The following ZNF135 variants were observed in gnomAD, a reference collection of about 807,000 sequenced individuals.
The protein encoded by ZNF135 is zinc finger protein 135 (clone pHZ-17).
In ZNF135, 11 loss-of-function variants were observed where a neutral mutation model predicts 12.3. The observed-to-expected ratio is 0.89, with a 90% CI of 0.56 to 1.48. The LOEUF is 1.48. ZNF135 is among the 40% of genes most tolerant of loss of function. The pLI is 0.00. For missense variants in ZNF135, 722 were observed against 815.7 expected (o/e 0.89, Z 1.40); for synonymous variants, 316 against 312.0 (o/e 1.01, Z -0.14).
chr19:58,067,091 G>A lies in ZNF135; in HGVS notation c.607G>A (p.Val203Ile), dbSNP rs757142867. ...RGKREKPDLN[V>I]LQKTCVKEKP... ...AAAAAGGGAGAAGCCAGACCTAAAT[G>A]TTTTACAGAAAACCTGTGTAAAAGA... is the stretch of plus-strand genomic sequence containing the variant. The change falls in exon 5 of 5, where the codon GTT becomes ATT. Residue 203 changes from valine to isoleucine, a missense_variant. Val to Ile is a conservative substitution (Grantham distance 29). Coordinates refer to ENST00000313434, the MANE Select transcript of ZNF135 (RefSeq NM_001289401.2). The A allele has an allele frequency of 1.2e-6, 2 of 1,614,200 alleles. No homozygotes were observed. The highest frequency in any genetic ancestry group is 3.3e-5 in the Admixed American group (2 of 60,018).
At chr19:58,064,650 G>C (rs1173494739) in intron 4 of ZNF135, among the ~76,000 whole-genome samples, 1 of 151,938 alleles carries the variant, frequency 6.6e-6, no homozygotes, top group Non-Finnish European at 1.5e-5. Flanking sequence ...GAGAGGCTAT[G>C]GCAGGTGGTA....
Position 58,068,809 on chromosome 19 carries a change from G to A in ZNF135, c.*348G>A, listed in dbSNP as rs751361899. 31 of 211,534 alleles carry A rather than the reference G, an allele frequency of 1.5e-4. No homozygotes were observed. Among genetic ancestry groups the A allele is most frequent in the South Asian group, 5.5e-4 (5 of 9,112 alleles). 13.1% of individuals were successfully genotyped at this position (211,534 alleles called of 1,614,324 possible). A position where few individuals can be genotyped will look rare whatever the true frequency, so the allele number is the denominator to read the frequency against. On this transcript the variant is annotated 3_prime_UTR_variant, in exon 5 of 5. Coordinates refer to ENST00000313434, the MANE Select transcript of ZNF135 (RefSeq NM_001289401.2). ...GAACGCTTTTGTCCAAGGATTCACC[G>A]TATTCCAAACCAGAGATGTTCAAAT...
chr19:58,060,564 T>C lies in ZNF135; in HGVS notation c.33+529T>C, dbSNP rs1440970754. Among the ~76,000 whole-genome samples the C allele has an allele frequency of 6.6e-6, 1 of 152,202 alleles. No individual in the cohort carries two copies. Among genetic ancestry groups the C allele is most frequent in the African/African-American group, 2.4e-5 (1 of 41,444 alleles). Reference sequence around the variant, plus strand: ...TCCAAGATGGCGCATCGAGTGCCGCTTCCTCAGACGTCATGGAGGCCAAGG... The same window carrying C: ...TCCAAGATGGCGCATCGAGTGCCGCCTCCTCAGACGTCATGGAGGCCAAGG... On this transcript the variant is annotated intron_variant, in intron 2 of 4. Coordinates refer to ENST00000313434, the MANE Select transcript of ZNF135 (RefSeq NM_001289401.2). This position sits in a 1 kb window ranked among gnomAD's most constrained non-coding sequence, Gnocchi z 4.9.
At position 58,061,597 on chromosome 19, in the gene ZNF135, G is replaced by T. The variant is rs763063145; in HGVS notation, c.51G>T (p.Glu17Asp). Residue 17 changes from glutamate (E) to aspartate (D), a missense_variant, in exon 3 of 5, where the codon GAG becomes GAT. Coordinates refer to ENST00000313434, the MANE Select transcript of ZNF135 (RefSeq NM_001289401.2). ...TGTTTCAGGAGCAAGTGACGTTTGA[G>T]GACGTGGTAGTGGGCTTCAGCCAGG... ...VSTDPEQVTF[E>D]DVVVGFSQEE... The T allele has an allele frequency of 4.3e-6, 7 of 1,613,180 alleles. No individual in the cohort carries two copies. In the East Asian group the frequency reaches 1.6e-4, roughly 36 times the overall value.
chr19:58,060,261 ACTCGTGCC>A lies in ZNF135; in HGVS notation c.33+228_33+235del. 3.1e-6 allele frequency: 1 copy of A among 325,182 alleles called. No homozygotes were observed. Among genetic ancestry groups the A allele is most frequent in the South Asian group, 6.4e-5 (1 of 15,710 alleles). 20.1% of individuals were successfully genotyped at this position (325,182 alleles called of 1,614,324 possible). A position where few individuals can be genotyped will look rare whatever the true frequency, so the allele number is the denominator to read the frequency against. On this transcript the variant is annotated intron_variant, in intron 2 of 4. Transcript: ENST00000313434. This position sits in a 1 kb window ranked among gnomAD's most constrained non-coding sequence, Gnocchi z 4.9. ...TGGCCTCTACTGGTGCCCGGCCTCTACTCGTGCCCGGCCTCTATTTGCACATCTAGCCT... is the reference window on the plus strand; with the variant it reads ...TGGCCTCTACTGGTGCCCGGCCTCTACGGCCTCTATTTGCACATCTAGCCT...
Position 58,059,453 on chromosome 19 carries a change from C to T in ZNF135, c.-35+143C>T, listed in dbSNP as rs533170522. On this transcript the variant is annotated intron_variant, in intron 1 of 4. Coordinates refer to ENST00000313434, the MANE Select transcript of ZNF135 (RefSeq NM_001289401.2). This position sits in a 1 kb window ranked among gnomAD's most constrained non-coding sequence, Gnocchi z 6.5. ...TCTGTGTGGAGTCCGTTTTGCTGCC[C>T]GGGGCCTGGGGAAGGCCGTTTCGGG... 4.0e-4 allele frequency: 373 copies of T among 924,350 alleles called. No individual in the cohort carries two copies. The highest frequency in any genetic ancestry group is 3.6e-3 in the African/African-American group (202 of 55,964). 57.3% of individuals were successfully genotyped at this position (924,350 alleles called of 1,614,324 possible).
intron 4 of ZNF135, among the ~76,000 whole-genome samples, chr19:58,066,075 C>T (rs58576937): frequency 0.022 from 3,377 of 152,240 alleles, 59 homozygotes; most frequent in Middle Eastern, 0.027. Flanking sequence ...GCAAGGTGGA[C>T]GGAAACCCCT....
rs143563895 is a variant in ZNF135 at position 58,065,369 on chromosome 19, T to A, written c.257-1372T>A. Among the ~76,000 whole-genome samples, 650 of 152,256 alleles carry A rather than the reference T, an allele frequency of 4.3e-3. 7 individuals carry two copies. Among genetic ancestry groups the A allele is most frequent in the African/African-American group, 0.014 (593 of 41,536 alleles). On this transcript the variant is annotated intron_variant, in intron 4 of 4. Transcript: ENST00000313434. This position sits in a 1 kb window ranked among gnomAD's most constrained non-coding sequence, Gnocchi z 4.0. ...TCACCATGCCCAGCTAATTTTTTTTTATTTTTTGTAGAAACAAGGTCTCAT... is the reference window on the plus strand; with the variant it reads ...TCACCATGCCCAGCTAATTTTTTTTAATTTTTTGTAGAAACAAGGTCTCAT...
chr19:58,063,584 C>T lies in ZNF135; in HGVS notation c.256+43C>T, dbSNP rs781370775. ...CGGGGCAGAGAGAAGCCTGTCCATG[C>T]TTGCTTCCTGGTTTCTCCCTCTGCA... On this transcript the variant is annotated intron_variant, in intron 4 of 4. Transcript: ENST00000313434. The surrounding 1 kb of genome is among the most constrained non-coding windows in gnomAD (Gnocchi z 4.4). The T allele has an allele frequency of 6.2e-7, 1 of 1,611,746 alleles. No homozygotes were observed. The highest frequency in any genetic ancestry group is 1.1e-5 in the South Asian group (1 of 90,926).
Position 58,060,313 on chromosome 19 carries a change from T to G in ZNF135, c.33+278T>G. On this transcript the variant is annotated intron_variant, in intron 2 of 4. Transcript: ENST00000313434. The surrounding 1 kb of genome is among the most constrained non-coding windows in gnomAD (Gnocchi z 4.9). Reference sequence around the variant, plus strand: ...CTAGCCTCTACTCGTGTCCGGCCTCTACCTGCACACCCGGCCTCCTAAAGT... The same window carrying G: ...CTAGCCTCTACTCGTGTCCGGCCTCGACCTGCACACCCGGCCTCCTAAAGT... The G allele has an allele frequency of 7.4e-7, 1 of 1,347,842 alleles. No homozygotes were observed. Among genetic ancestry groups the G allele is most frequent in the East Asian group, 3.2e-5 (1 of 31,658 alleles). The allele number at this position is 1,347,842 out of a possible 1,614,324, so 83.5% of individuals were successfully genotyped here.
At chr19:58,062,165 G>A (rs374592694) in intron 3 of ZNF135, among the ~76,000 whole-genome samples, 2 of 152,168 alleles carry the variant, frequency 1.3e-5, no homozygotes, top group East Asian at 3.9e-4. Context: ...TGTTTGGTGA[G>A]GGCTTGCTCC....
chr19:58,067,706 A>G lies in ZNF135; in HGVS notation c.1222A>G (p.Lys408Glu). The change falls in exon 5 of 5, where the codon AAG (lysine) becomes GAG (glutamate). Residue 408 changes from lysine to glutamate, a missense_variant. Physicochemically the swap from Lys to Glu is moderately conservative, Grantham distance 56. Transcript: ENST00000313434. ...IQHQRTHTGE[K>E]PYECGECGKA... ...GCACCAGAGGACCCACACAGGAGAA[A>G]AGCCCTATGAGTGTGGTGAGTGTGG... 1 of 1,614,064 alleles carries G rather than the reference A, an allele frequency of 6.2e-7. No individual in the cohort carries two copies. The highest frequency in any genetic ancestry group is 8.5e-7 in the Non-Finnish European group (1 of 1,180,008).
Position 58,063,407 on chromosome 19 carries a change from G to T in ZNF135, c.161-39G>T, listed in dbSNP as rs375895075. 5.0e-6 allele frequency: 8 copies of T among 1,612,634 alleles called. No individual in the cohort carries two copies. Among genetic ancestry groups the T allele is most frequent in the South Asian group, 2.2e-5 (2 of 90,862 alleles). On this transcript the variant is annotated intron_variant, in intron 3 of 4. Transcript: ENST00000313434. The surrounding 1 kb of genome is among the most constrained non-coding windows in gnomAD (Gnocchi z 4.4). ...GGGCTGAGGCTCAGGAAGGGTCCTG[G>T]GATACAAATGCTCACTCTATGGGTC...
At chr19:58,061,772 A>C in intron 3 of ZNF135, 66 bp downstream of exon 3, 1 of 1,537,378 alleles carries the variant, frequency 6.5e-7, no homozygotes, top group Non-Finnish European at 8.7e-7. Flanking sequence ...CTACCAGGTT[A>C]AATATTTATA....
rs2074022497 is a variant in ZNF135, at chr19:58,063,785, T to G, written c.256+244T>G. ...GGTAAAATAATAATAATAAAACAAG[T>G]TGGATGATTACAGATTGTGATGAAT... On this transcript the variant is annotated intron_variant, in intron 4 of 4. Transcript: ENST00000313434. The surrounding 1 kb of genome is among the most constrained non-coding windows in gnomAD (Gnocchi z 4.4). 1.2e-6 allele frequency: 1 copy of G among 821,074 alleles called. No individual in the cohort carries two copies. The highest frequency in any genetic ancestry group is 5.6e-5 in the South Asian group (1 of 17,908). 50.9% of individuals were successfully genotyped at this position (821,074 alleles called of 1,614,324 possible). A position where few individuals can be genotyped will look rare whatever the true frequency, so the allele number is the denominator to read the frequency against.
At position 58,068,024 on chromosome 19, in the gene ZNF135, C is replaced by T. The variant is rs773683116; in HGVS notation, c.1540C>T (p.Arg514Ter). The T allele has an allele frequency of 1.6e-5, 26 of 1,613,608 alleles. No homozygotes were observed. Among genetic ancestry groups the T allele is most frequent in the Admixed American group, 1.5e-4 (9 of 59,968 alleles). The part of the protein sequence containing the change: ...SHSSSLTKHQ[R>*]IHTGEKPYEC... ...CAGCTCGTCCCTCACCAAACATCAG[C>T]GAATCCACACTGGGGAGAAGCCCTA... Residue 514 changes from arginine (R) to a stop codon, truncating the protein, a stop_gained, in exon 5 of 5, where the codon CGA becomes TGA. Coordinates refer to ENST00000313434, the MANE Select transcript of ZNF135 (RefSeq NM_001289401.2). LOFTEE classifies it low-confidence loss of function (END_TRUNC).
At position 58,066,945 on chromosome 19, in the gene ZNF135, C is replaced by T. The variant is rs746765542; in HGVS notation, c.461C>T (p.Thr154Met). ...AVPVAFTPVK[T>M]PVLEQWQRNG... ...CCGGTGGCCTTCACGCCTGTGAAGA[C>T]GCCTGTTCTGGAGCAGTGGCAGAGG... is the stretch of plus-strand genomic sequence containing the variant. Residue 154 changes from threonine (T) to methionine (M), a missense_variant, in exon 5 of 5, where the codon ACG becomes ATG. Physicochemically the swap from Thr to Met is moderately conservative, Grantham distance 81. Transcript: ENST00000313434. The T allele has an allele frequency of 1.7e-5, 28 of 1,614,038 alleles. No individual in the cohort carries two copies. Among genetic ancestry groups the T allele is most frequent in the African/African-American group, 5.3e-5 (4 of 74,910 alleles).
In ZNF135 at chr19:58,063,738, T is replaced by C. The variant is rs1249478844; in HGVS notation, c.256+197T>C. 8 of 1,349,006 alleles carry C rather than the reference T, an allele frequency of 5.9e-6. No individual in the cohort carries two copies. The highest frequency in any genetic ancestry group is 7.7e-6 in the Non-Finnish European group (8 of 1,039,230). 83.6% of individuals were successfully genotyped at this position (1,349,006 alleles called of 1,614,324 possible). On this transcript the variant is annotated intron_variant, in intron 4 of 4. Coordinates refer to ENST00000313434, the MANE Select transcript of ZNF135 (RefSeq NM_001289401.2). This position sits in a 1 kb window ranked among gnomAD's most constrained non-coding sequence, Gnocchi z 4.4. ...TGAATTTATATTCTTGGTGAGGGAGTGGGGGAAACAAACAATAAATCGGTA... is the reference window on the plus strand; with the variant it reads ...TGAATTTATATTCTTGGTGAGGGAGCGGGGGAAACAAACAATAAATCGGTA...
rs1376205106 is a variant in ZNF135, at chr19:58,060,773, T to C, written c.33+738T>C. ...AGTTGGAGGCTGCAGTGAGCCATGA[T>C]GTGCCACTGCACTCCAGCCTGAATG... is the stretch of plus-strand genomic sequence containing the variant. On this transcript the variant is annotated intron_variant, in intron 2 of 4. Transcript: ENST00000313434. The surrounding 1 kb of genome is among the most constrained non-coding windows in gnomAD (Gnocchi z 4.9). 6.6e-6 allele frequency among the ~76,000 whole-genome samples: 1 copy of C among 152,108 alleles called. No homozygotes were observed. The highest frequency in any genetic ancestry group is 1.9e-4 in the East Asian group (1 of 5,180).
Sources: gnomAD v4.1 joint callset for allele counts (sites outside exome capture counted in the v4.1 genomes callset) on GRCh38, gnomAD v4.1.1 for gene constraint, Gnocchi (gnomAD v3.1) non-coding constraint, MANE v1.5 for transcripts, NCBI Gene and HGNC (gene_info 2026-07-23, HGNC 2026-07-21) for gene names.